Variants in GSE1 observed in about 807,000 individuals in gnomAD.
The protein encoded by GSE1 is Gse1 coiled-coil protein.
GSE1 carries 32 observed loss-of-function variants against 112.6 expected under a neutral mutation model. That is an observed-to-expected ratio of 0.28 (90% CI 0.21 to 0.38). The LOEUF (loss-of-function observed/expected upper bound fraction) is 0.38, where lower values mean the gene tolerates loss of function less well. Among genes scored for constraint, GSE1 ranks in the 10% least tolerant of loss-of-function variants. GSE1 has a pLI of 1.00. For missense variants in GSE1, 2,348 were observed against 1,699.2 expected (o/e 1.38, Z -6.71); for synonymous variants, 1,115 against 735.6 (o/e 1.52, Z -8.35).
intron 2 of GSE1, among the ~76,000 whole-genome samples, chr16:85,500,513 G>T (rs561189349): frequency 3.9e-5 from 6 of 152,202 alleles, no homozygotes; most frequent in Non-Finnish European, 7.3e-5. Flanking sequence ...CTGGGTCCCC[G>T]ATCTCCATGG....
intron 2 of GSE1, among the ~76,000 whole-genome samples, chr16:85,481,387 G>A (rs1297041266): frequency 6.6e-6 from 1 of 152,238 alleles, no homozygotes; most frequent in Non-Finnish European, 1.5e-5. Flanking sequence ...GGGGACAGAG[G>A]AGCTTGATGC....
intron 2 of GSE1, among the ~76,000 whole-genome samples, chr16:85,460,814 G>A (rs1281541720): frequency 6.6e-6 from 1 of 150,424 alleles, no homozygotes; most frequent in African/African-American, 2.5e-5. Flanking sequence ...AGGAGCTGAG[G>A]AAGCCAGGGT....
At chr16:85,667,020 A>G (rs980329146) in intron 13 of GSE1, among the ~76,000 whole-genome samples, 3 of 152,244 alleles carry the variant, frequency 2.0e-5, no homozygotes, top group African/African-American at 7.2e-5. Context: ...CATAGGTGAT[A>G]CGCAGATACT....
At chr16:85,312,210 G>GA (rs1555559898) in intron 1 of GSE1, among the ~76,000 whole-genome samples, 3 of 151,494 alleles carry the variant, frequency 2.0e-5, no homozygotes, top group Non-Finnish European at 4.4e-5. Flanking sequence ...CTTGCGGGGG[G>GA]GGGGGGGACA....
chr16:85,465,477 C>T (rs754240982), intron 2 of GSE1, among the ~76,000 whole-genome samples: 34 of 152,266 alleles, frequency 2.2e-4, no homozygotes, highest in Non-Finnish European at 2.9e-5. Context: ...ATGGGGATGG[C>T]AGGACTGCCC....
At chr16:85,649,987 A>AC (rs1289884001) in intron 3 of GSE1, among the ~76,000 whole-genome samples, 4 of 151,268 alleles carry the variant, frequency 2.6e-5, no homozygotes, top group African/African-American at 9.7e-5. Flanking sequence ...CCGGACTGGG[A>AC]CCCCCGGGGC....
intron 1 of GSE1, among the ~76,000 whole-genome samples, chr16:85,189,835 C>A (rs1292777165): frequency 6.6e-6 from 1 of 152,156 alleles, no homozygotes; most frequent in South Asian, 2.1e-4. Context: ...TATTATCTTT[C>A]TAATGCCTGT....
intron 1 of GSE1, among the ~76,000 whole-genome samples, chr16:85,177,096 C>G (rs917299612): frequency 6.6e-6 from 1 of 152,226 alleles, no homozygotes; most frequent in African/African-American, 2.4e-5. Context: ...CCTCCTAAAC[C>G]CGGAGGCAGT....
intron 1 of GSE1, among the ~76,000 whole-genome samples, chr16:85,572,443 CACAGCACATACCACACACACA>C (rs2046041139): frequency 2.1e-5 from 3 of 142,574 alleles, no homozygotes. Flanking sequence ...ACATACAACA[CACAGCACATACCACACACACA>C]ACACACATCA....
intron 1 of GSE1, among the ~76,000 whole-genome samples, chr16:85,339,423 TTGCTGCGCCC>T (rs1407378039): frequency 6.6e-6 from 1 of 152,170 alleles, no homozygotes; most frequent in Admixed American, 6.5e-5. Context: ...CTCTGCCTGC[TTGCTGCGCCC>T]TTTCTAGAAG....
intron 1 of GSE1, among the ~76,000 whole-genome samples, chr16:85,210,424 C>G (rs1211691097): frequency 6.6e-6 from 1 of 152,110 alleles, no homozygotes; most frequent in Non-Finnish European, 1.5e-5. Context: ...GACAATATGG[C>G]TAACCCCATT....
intron 1 of GSE1, among the ~76,000 whole-genome samples, chr16:85,235,878 G>A (rs1033405833): frequency 4.6e-5 from 7 of 151,890 alleles, no homozygotes; most frequent in Non-Finnish European, 8.8e-5. Context: ...TGGCAGCGGC[G>A]CCCGCGCCCC....
chr16:85,169,633 A>G, exon 1 of GSE1: 3 of 983,278 alleles, frequency 3.1e-6, no homozygotes, highest in Non-Finnish European at 3.6e-6. Flanking sequence ...CGGCGGCGGC[A>G]TCGGGCGCGG....
chr16:85,493,327 A>C (rs1238321906), intron 2 of GSE1, among the ~76,000 whole-genome samples: 1 of 152,082 alleles, frequency 6.6e-6, no homozygotes, highest in East Asian at 1.9e-4. Context: ...GCACATCTGT[A>C]GTCTTCTACT....
intron 1 of GSE1, among the ~76,000 whole-genome samples, chr16:85,276,013 G>T (rs1045261779): frequency 4.6e-5 from 7 of 152,234 alleles, no homozygotes; most frequent in Non-Finnish European, 1.0e-4. Context: ...GGGCAAACAG[G>T]GACTGATAAG....
chr16:85,666,056 G>C lies in GSE1; in HGVS notation c.2839G>C (p.Ala947Pro). Residue 947 changes from alanine to proline, a missense_variant, in exon 13 of 16, where the codon GCG becomes CCG. Transcript: ENST00000253458. ...TTCCTTGTCTGACATCCCAAAGGCC[G>C]CGGAGCCTGGGAAGCTGGAACAGGT... The part of the protein sequence containing the change: ...AASLSDIPKA[A>P]EPGKLEQVRP... 6.2e-7 allele frequency: 1 copy of C among 1,613,550 alleles called. No individual in the cohort carries two copies. Among genetic ancestry groups the C allele is most frequent in the Non-Finnish European group, 8.5e-7 (1 of 1,180,026 alleles).
At position 85,634,041 on chromosome 16, in the gene GSE1, C is replaced by T; in HGVS notation, c.135C>T (p.Ala45=). 1 of 1,610,458 alleles carries T rather than the reference C, an allele frequency of 6.2e-7. No individual in the cohort carries two copies. Among genetic ancestry groups the T allele is most frequent in the Non-Finnish European group, 8.5e-7 (1 of 1,178,526 alleles). ...CCCTGGTGCCCAGCGGCAGCCCCGC[C>T]ACCAGCAGCGCGCTGTCGGCCCAGG... The part of the protein sequence containing the change: ...NGALVPSGSP[A]TSSALSAQAA... Residue 45 remains alanine, a synonymous_variant, in exon 2 of 16, where the codon GCC becomes GCT. Transcript: ENST00000253458.
intron 15 of GSE1, 138 bp downstream of exon 15, chr16:85,671,236 C>A (rs139704692): frequency 3.8e-6 from 2 of 527,554 alleles, no homozygotes; most frequent in East Asian, 6.9e-5. Flanking sequence ...GTCAGGAGAT[C>A]GAGACCATCC....
At chr16:85,385,611 C>A (rs1046292458) in intron 2 of GSE1, among the ~76,000 whole-genome samples, 4 of 152,188 alleles carry the variant, frequency 2.6e-5, no homozygotes, top group African/African-American at 4.8e-5. Context: ...CCCGTGGCAC[C>A]CCCAGGGCCA....
Sources: gnomAD v4.1 joint callset for allele counts (sites outside exome capture counted in the v4.1 genomes callset) on GRCh38, gnomAD v4.1.1 for gene constraint, MANE v1.5 for transcripts, NCBI Gene and HGNC (gene_info 2026-07-23, HGNC 2026-07-21) for gene names.